Variants in TULP4 observed in about 807,000 individuals in gnomAD.
The protein encoded by TULP4 is TUB like protein 4.
A neutral mutation model predicts 129.0 loss-of-function variants in TULP4; 16 were observed. That is an observed-to-expected ratio of 0.12 (90% CI 0.08 to 0.19). The LOEUF (loss-of-function observed/expected upper bound fraction) is 0.19, where lower values mean the gene tolerates loss of function less well. Ranked by LOEUF, TULP4 falls within the 10% of genes least tolerant of loss-of-function variation. TULP4 has a pLI of 1.00. For synonymous variants in TULP4, 998 were observed against 854.0 expected, an observed-to-expected ratio of 1.17 and a Z score of -2.94; for missense variants, 1,842 against 2,059.1, an observed-to-expected ratio of 0.89 and a Z score of 2.04.
chr6:158,405,745 G>A (rs1315703288), intron 1 of TULP4, among the ~76,000 whole-genome samples: 5 of 152,050 alleles, frequency 3.3e-5, no homozygotes, highest in South Asian at 2.1e-4. Context: ...AGAGCTTGGC[G>A]TTCCAAAGGC....
intron 1 of TULP4, among the ~76,000 whole-genome samples, chr6:158,245,663 C>A (rs1249703277): frequency 1.3e-5 from 2 of 152,072 alleles, no homozygotes; most frequent in South Asian, 4.1e-4. Flanking sequence ...TAGGAAATAA[C>A]CTTAGACAAG....
intron 1 of TULP4, among the ~76,000 whole-genome samples, chr6:158,394,305 G>A (rs1440120115): frequency 6.6e-6 from 1 of 152,158 alleles, no homozygotes; most frequent in East Asian, 1.9e-4. Flanking sequence ...AAACTGTTGA[G>A]CAAGTCTCTA....
At chr6:158,288,037 A>G (rs933572973) in intron 1 of TULP4, among the ~76,000 whole-genome samples, 14 of 152,194 alleles carry the variant, frequency 9.2e-5, no homozygotes, top group Non-Finnish European at 1.8e-4. Flanking sequence ...GAAATTATCA[A>G]TTGGTTTGAA....
intron 2 of TULP4, among the ~76,000 whole-genome samples, chr6:158,418,202 G>A (rs1189248123): frequency 2.6e-5 from 4 of 151,470 alleles, no homozygotes; most frequent in Non-Finnish European, 5.9e-5. Flanking sequence ...CACCTCCCGG[G>A]TTGAAGCAAT....
At chr6:158,406,954 A>G (rs1009211828) in intron 1 of TULP4, among the ~76,000 whole-genome samples, 2 of 152,248 alleles carry the variant, frequency 1.3e-5, no homozygotes. Context: ...GGCGGTCCCC[A>G]GATTCCAGGG....
At chr6:158,411,503 C>A (rs1051209171) in intron 1 of TULP4, among the ~76,000 whole-genome samples, 1 of 152,200 alleles carries the variant, frequency 6.6e-6, no homozygotes, top group Non-Finnish European at 1.5e-5. Flanking sequence ...CTAGTGATCA[C>A]CAGGTCTCAA....
At chr6:158,238,035 C>T in intron 1 of TULP4, 2 of 704,580 alleles carry the variant, frequency 2.8e-6, no homozygotes, top group Non-Finnish European at 5.3e-6. Context: ...TTTGATACCA[C>T]CAGATAGCTT....
intron 1 of TULP4, among the ~76,000 whole-genome samples, chr6:158,297,474 A>G (rs1388339230): frequency 6.6e-6 from 1 of 152,208 alleles, no homozygotes; most frequent in Non-Finnish European, 1.5e-5. Context: ...AGATAACGGG[A>G]TTAAAAGATT....
At chr6:158,256,463 A>G (rs1410030692) in intron 1 of TULP4, among the ~76,000 whole-genome samples, 3 of 152,254 alleles carry the variant, frequency 2.0e-5, no homozygotes, top group East Asian at 1.9e-4. Flanking sequence ...GATCACTTCA[A>G]TAAAAAAGTT....
intron 2 of TULP4, among the ~76,000 whole-genome samples, chr6:158,415,762 C>T (rs147925624): frequency 0.022 from 3,395 of 151,898 alleles, 78 homozygotes; most frequent in Non-Finnish European, 0.026. Flanking sequence ...ATGACAGCTC[C>T]GTGGATATGT....
At position 158,313,506 on chromosome 6, in the gene TULP4, C is replaced by T. The variant is rs1263007642; in HGVS notation, c.-511C>T. The T allele has an allele frequency of 7.5e-6, 3 of 402,416 alleles. No individual in the cohort carries two copies. Among genetic ancestry groups the T allele is most frequent in the Non-Finnish European group, 1.3e-5 (3 of 228,590 alleles). The allele number at this position is 402,416 out of a possible 1,614,324, so 24.9% of individuals were successfully genotyped here. On this transcript the variant is annotated 5_prime_UTR_variant, in exon 1 of 14. Transcript: ENST00000367097. The stretch of plus-strand genomic sequence containing the variant: ...CAGAAGGAAGATGATCCTGTGTATT[C>T]TGTCTCTGCATCCGAACTTTTGAAG...
intron 1 of TULP4, among the ~76,000 whole-genome samples, chr6:158,299,144 G>T (rs376805666): frequency 9.2e-5 from 14 of 152,142 alleles, no homozygotes; most frequent in South Asian, 4.2e-4. Flanking sequence ...CGGTCGGGGT[G>T]GGGGGTAATG....
chr6:158,389,320 A>C (rs566140633), intron 1 of TULP4, among the ~76,000 whole-genome samples: 90 of 152,240 alleles, frequency 5.9e-4, no homozygotes, highest in South Asian at 5.0e-3. Context: ...GCATGGTGGT[A>C]TGCACCTTAT....
At position 158,256,077 on chromosome 6, in the gene TULP4, T is replaced by C. The variant is rs560280084; in HGVS notation, n.68+23774T>C. The stretch of plus-strand genomic sequence containing the variant: ...GAACTCTTACTATTTAAAGTAACTC[T>C]CTAGTTACTTAAGCTACTCCTCCTG... On this transcript the variant is annotated intron_variant and non_coding_transcript_variant, in intron 1 of 1. Coordinates refer to the TULP4 transcript ENST00000620026. Among the ~76,000 whole-genome samples, 15 of 152,350 alleles carry C rather than the reference T, an allele frequency of 9.8e-5. No homozygotes were observed. The South Asian group carries it at 2.5e-3, about 25-fold the overall frequency.
At chr6:158,490,308 A>G (rs754759359) in intron 9 of TULP4, among the ~76,000 whole-genome samples, 83 of 152,196 alleles carry the variant, frequency 5.5e-4, no homozygotes, top group Non-Finnish European at 1.1e-3. Flanking sequence ...AGGCAGGAGA[A>G]TCACTTGAAT....
At chr6:158,428,596 A>G (rs1015102313) in intron 2 of TULP4, among the ~76,000 whole-genome samples, 1 of 151,416 alleles carries the variant, frequency 6.6e-6, no homozygotes, top group Non-Finnish European at 1.5e-5. Context: ...ACACTCAAGT[A>G]TAAGTAATGT....
At chr6:158,319,679 A>G (rs1779579980) in intron 1 of TULP4, among the ~76,000 whole-genome samples, 1 of 152,262 alleles carries the variant, frequency 6.6e-6, no homozygotes, top group Non-Finnish European at 1.5e-5. Flanking sequence ...TATTTAACAA[A>G]TCTTAACAGT....
chr6:158,503,142 A>G lies in TULP4; in HGVS notation c.3479A>G (p.His1160Arg). Residue 1160 changes from histidine to arginine, a missense_variant, in exon 13 of 14, where the codon CAC becomes CGC. Physicochemically the swap from His to Arg is conservative, Grantham distance 29. Around this residue, in one of 5 missense-constraint regions of TULP4, gnomAD observed 1,089 missense variants for 987.1 expected, o/e 1.10. Transcript: ENST00000367097. The surrounding 1 kb of genome is among the most constrained non-coding windows in gnomAD (Gnocchi z 4.3). ...TCTCTGATGCTGAGTCAGGGCCAGC[A>G]CCTGGACGTGTCCCGACTGCCCTTC... is the stretch of plus-strand genomic sequence containing the variant. Reference protein sequence around the residue: ...LSSLMLSQGQHLDVSRLPFIS... With the variant: ...LSSLMLSQGQRLDVSRLPFIS... 2 of 1,613,672 alleles carry G rather than the reference A, an allele frequency of 1.2e-6. No homozygotes were observed. Among genetic ancestry groups the G allele is most frequent in the Non-Finnish European group, 1.7e-6 (2 of 1,179,740 alleles).
intron 1 of TULP4, among the ~76,000 whole-genome samples, chr6:158,283,452 C>G (rs1386460654): frequency 3.3e-5 from 5 of 152,300 alleles, no homozygotes; most frequent in Admixed American, 1.3e-4. Flanking sequence ...GGCTTGTGCT[C>G]TGAATCTTAG....
Sources: gnomAD v4.1 joint callset for allele counts (sites outside exome capture counted in the v4.1 genomes callset) on GRCh38, gnomAD v4.1.1 for gene constraint, gnomAD v4.1.1 regional missense constraint, Gnocchi (gnomAD v3.1) non-coding constraint, MANE v1.5 for transcripts, NCBI Gene and HGNC (gene_info 2026-07-23, HGNC 2026-07-21) for gene names.